The following KNDC1 variants were observed in gnomAD, a reference collection of about 807,000 sequenced individuals.
The protein encoded by KNDC1 is kinase non-catalytic C-lobe domain containing 1, also known as kinase non-catalytic C-lobe domain-containing protein 1.
KNDC1 carries 106 observed loss-of-function variants against 172.8 expected under a neutral mutation model. That is an observed-to-expected ratio of 0.61 (90% CI 0.52 to 0.72). KNDC1 has a LOEUF of 0.72. Among genes scored for constraint, KNDC1 ranks in the 30% least tolerant of loss-of-function variants. The pLI is 0.00. For synonymous variants in KNDC1, 1,083 were observed against 1,062.2 expected (o/e 1.02, Z -0.38); for missense variants, 2,325 against 2,394.5 (o/e 0.97, Z 0.61).
In KNDC1 at chr10:133,208,925, A is replaced by C. The variant is rs558887145; in HGVS notation, c.3794+1574A>C. 7.3e-5 allele frequency among the ~76,000 whole-genome samples: 11 copies of C among 151,100 alleles called. No individual in the cohort carries two copies. In the South Asian group the frequency reaches 2.1e-3, roughly 29 times the overall value. On this transcript the variant is annotated intron_variant, in intron 20 of 29. Coordinates refer to ENST00000304613, the MANE Select transcript of KNDC1 (RefSeq NM_152643.8). ...TGTGGTGTGTGTATGTGCTGATGGG[A>C]TACTGTCTGGCATGTAAGCACACGC...
At position 133,211,725 on chromosome 10, in the gene KNDC1, A is replaced by G; in HGVS notation, c.4103A>G (p.Glu1368Gly). Residue 1368 changes from glutamate to glycine, a missense_variant, in exon 23 of 30, where the codon GAG becomes GGG. Physicochemically the swap from Glu to Gly is moderately conservative, Grantham distance 98. Coordinates refer to ENST00000304613, the MANE Select transcript of KNDC1 (RefSeq NM_152643.8). ...GCCAAGCACCTGCTGGGCCTCCTGG[A>G]GGTGGGCATGGACCGGCGGGCCGAG... ...GSAKHLLGLL[E>G]VGMDRRAEGN... 6.2e-7 allele frequency: 1 copy of G among 1,608,360 alleles called. No individual in the cohort carries two copies. Among genetic ancestry groups the G allele is most frequent in the African/African-American group, 1.3e-5 (1 of 74,824 alleles).
At chr10:133,213,916 C>G (rs754600213) in intron 25 of KNDC1, 56 bp from the exon 26 acceptor site, 1 of 1,601,816 alleles carries the variant, frequency 6.2e-7, no homozygotes, top group South Asian at 1.1e-5. Flanking sequence ...GCCCCAGGGC[C>G]GGGCAGGGCC....
intron 9 of KNDC1, among the ~76,000 whole-genome samples, chr10:133,191,230 G>T (rs1854063929): frequency 1.9e-5 from 1 of 51,942 alleles, no homozygotes; most frequent in Admixed American, 1.7e-4. Flanking sequence ...TCCCAGCCAG[G>T]TGTGGTGGCA....
At chr10:133,206,534 C>A in intron 17 of KNDC1, 151 bp from the exon 18 acceptor site, 1 of 707,632 alleles carries the variant, frequency 1.4e-6, no homozygotes. Context: ...GGGCTGGCCT[C>A]GCTGGCTGAG....
At chr10:133,202,601 G>C in intron 17 of KNDC1, 1 of 456,546 alleles carries the variant, frequency 2.2e-6, no homozygotes, top group Non-Finnish European at 4.4e-6. Flanking sequence ...CGTCTGCCTC[G>C]AGCTGAGCCA....
At chr10:133,177,415 C>T (rs76935491) in intron 3 of KNDC1, among the ~76,000 whole-genome samples, 4,020 of 149,194 alleles carry the variant, frequency 0.027, 58 homozygotes, top group Middle Eastern at 0.034. Flanking sequence ...TTCAAGCACA[C>T]GTGTATGATG....
chr10:133,213,794 T>C, intron 25 of KNDC1, 67 bp downstream of exon 25: 4 of 1,504,682 alleles, frequency 2.7e-6, no homozygotes, highest in Non-Finnish European at 3.7e-6. Flanking sequence ...GTAAGAGTCT[T>C]GTGGACGCTC....
In KNDC1 at chr10:133,219,066, C is replaced by T. The variant is rs140130997; in HGVS notation, c.4836C>T (p.Val1612=). 6 of 1,613,830 alleles carry T rather than the reference C, an allele frequency of 3.7e-6. No homozygotes were observed. In the African/African-American group the frequency reaches 6.7e-5, roughly 18 times the overall value. The change falls in exon 28 of 30, where the codon GTC becomes GTT. Residue 1612 remains valine (V), a synonymous_variant. Coordinates refer to ENST00000304613, the MANE Select transcript of KNDC1 (RefSeq NM_152643.8). ...WRILPAKIAE[V]MEELKAVEVF... ...TTCTGCCTGCAAAGATAGCAGAGGT[C>T]ATGGAGGAGCTGAAAGCCGTGGAGG...
Position 133,210,674 on chromosome 10 carries a change from C to G in KNDC1, c.3858C>G (p.Pro1286=). ...ACACCTTCCGCTACTTCTGCACACC[C>G]CACGACTTCCTGCACTTCCTCCTCG... ...FLYTFRYFCT[P]HDFLHFLLDR... The change falls in exon 21 of 30, where the codon CCC becomes CCG. Residue 1286 remains proline, a synonymous_variant. Coordinates refer to ENST00000304613, the MANE Select transcript of KNDC1 (RefSeq NM_152643.8). The G allele has an allele frequency of 1.9e-6, 3 of 1,614,144 alleles. No individual in the cohort carries two copies. The highest frequency in any genetic ancestry group is 2.5e-6 in the Non-Finnish European group (3 of 1,179,984).
Position 133,224,937 on chromosome 10 carries a change from G to C in KNDC1, c.*47G>C. On this transcript the variant is annotated 3_prime_UTR_variant, in exon 30 of 30. Transcript: ENST00000304613. This position sits in a 1 kb window ranked among gnomAD's most constrained non-coding sequence, Gnocchi z 5.4. ...AATTCCAGATCCGAATCCGACTGTG[G>C]GGGGCGGGCTGGGAGGTGGGAGCCG... 2 of 1,498,944 alleles carry C rather than the reference G, an allele frequency of 1.3e-6. No homozygotes were observed. The highest frequency in any genetic ancestry group is 1.8e-6 in the Non-Finnish European group (2 of 1,084,036). 92.9% of individuals were successfully genotyped at this position (1,498,944 alleles called of 1,614,324 possible).
intron 3 of KNDC1, among the ~76,000 whole-genome samples, chr10:133,172,862 G>A (rs982913481): frequency 4.6e-5 from 7 of 152,172 alleles, no homozygotes; most frequent in Non-Finnish European, 1.0e-4. Context: ...AATTAGCCGG[G>A]CATGGTGGCA....
In KNDC1 at chr10:133,189,961, C is replaced by A. The variant is rs1854034032; in HGVS notation, c.1575+148C>A. ...GGCGGCCACAGGCGGTATCTGCCAG[C>A]AGGGCCGTGGCTCTGGCCGGGGCAC... On this transcript the variant is annotated intron_variant, in intron 9 of 29. Coordinates refer to ENST00000304613, the MANE Select transcript of KNDC1 (RefSeq NM_152643.8). The A allele has an allele frequency of 4.1e-6, 3 of 724,024 alleles. No homozygotes were observed. In the Admixed American group the frequency reaches 6.2e-5, roughly 15 times the overall value. The allele number at this position is 724,024 out of a possible 1,614,324, so 44.8% of individuals were successfully genotyped here. A position where few individuals can be genotyped will look rare whatever the true frequency, so the allele number is the denominator to read the frequency against.
chr10:133,224,799 A>G lies in KNDC1; in HGVS notation c.5159A>G (p.Asp1720Gly), dbSNP rs200579447. 63 of 1,614,146 alleles carry G rather than the reference A, an allele frequency of 3.9e-5. No individual in the cohort carries two copies. In the East Asian group the frequency reaches 1.4e-3, roughly 35 times the overall value. The change falls in exon 30 of 30, where the codon GAT becomes GGT. Residue 1720 changes from aspartate to glycine, a missense_variant. Coordinates refer to ENST00000304613, the MANE Select transcript of KNDC1 (RefSeq NM_152643.8). The surrounding 1 kb of genome is among the most constrained non-coding windows in gnomAD (Gnocchi z 5.4). ...GCCGACATTTCCACACTCGCCGCAG[A>G]TAGCAGGGCCAACTTCCACCAGGTC... ...SGADISTLAADSRANFHQVSS... is the reference protein window; with the variant it reads ...SGADISTLAAGSRANFHQVSS...
intron 24 of KNDC1, among the ~76,000 whole-genome samples, chr10:133,213,225 G>A (rs55956720): frequency 0.14 from 21,502 of 152,202 alleles, 2,768 homozygotes; most frequent in African/African-American, 0.35. Flanking sequence ...GGCCGCATGG[G>A]GCGCTGAGTC....
intron 17 of KNDC1, among the ~76,000 whole-genome samples, 189 bp from the exon 18 acceptor site, chr10:133,206,496 G>A (rs920555407): frequency 6.6e-6 from 1 of 151,638 alleles, no homozygotes; most frequent in South Asian, 2.1e-4. Flanking sequence ...GGCAGCCCAG[G>A]GCCCCCCAGA....
chr10:133,186,124 C>T lies in KNDC1; in HGVS notation c.776C>T (p.Thr259Ile). The T allele has an allele frequency of 6.3e-7, 1 of 1,598,694 alleles. No individual in the cohort carries two copies. Among genetic ancestry groups the T allele is most frequent in the Admixed American group, 1.7e-5 (1 of 58,330 alleles). ...AGCCGGGGCCCCAGAGCCTCCCCAA[C>T]CAAGGCTCTGCTGTCCACCCCGGTG... Reference protein sequence around the residue: ...ETSRGPRASPTKALLSTPVRN... With the variant: ...ETSRGPRASPIKALLSTPVRN... Residue 259 changes from threonine to isoleucine, a missense_variant, in exon 6 of 30, where the codon ACC becomes ATC. Physicochemically the swap from Thr to Ile is moderately conservative, Grantham distance 89. Transcript: ENST00000304613.
chr10:133,223,604 T>A (rs1845657120), intron 29 of KNDC1, among the ~76,000 whole-genome samples: 2 of 63,894 alleles, frequency 3.1e-5, no homozygotes, highest in Non-Finnish European at 5.8e-5. Context: ...TGTGTGTGTG[T>A]GAGAGCCCAT....
rs779206493 is a variant in KNDC1, at chr10:133,214,172, C to T, written c.4677+50C>T. ...CAACACGGGGCGTGGGGCCCACCTA[C>T]GCGGGGGTGGCAGCGCCTCCTATAA... On this transcript the variant is annotated intron_variant, in intron 26 of 29. Coordinates refer to ENST00000304613, the MANE Select transcript of KNDC1 (RefSeq NM_152643.8). The T allele has an allele frequency of 1.5e-4, 233 of 1,600,584 alleles. 2 individuals are homozygous for T. In the South Asian group the frequency reaches 1.8e-3, roughly 13 times the overall value.
rs577468269 is a variant in KNDC1, at chr10:133,215,101, G to A, written c.4677+979G>A. On this transcript the variant is annotated intron_variant, in intron 26 of 29. Transcript: ENST00000304613. ...AGGTCCCGCTCCAAGTAAGACTCAG[G>A]ATTACAGGGCCCCTTCCCCCACAGC... Among the ~76,000 whole-genome samples the A allele has an allele frequency of 2.6e-5, 4 of 152,314 alleles. No individual in the cohort carries two copies. The East Asian group carries it at 7.7e-4, about 29-fold the overall frequency.
Sources: gnomAD v4.1 joint callset for allele counts (sites outside exome capture counted in the v4.1 genomes callset) on GRCh38, gnomAD v4.1.1 for gene constraint, Gnocchi (gnomAD v3.1) non-coding constraint, MANE v1.5 for transcripts, NCBI Gene and HGNC (gene_info 2026-07-23, HGNC 2026-07-21) for gene names.